The following NUP214 variants were observed in gnomAD, a reference collection of about 807,000 sequenced individuals.
The protein encoded by NUP214 is nucleoporin 214, also known as nuclear pore complex protein Nup214.
Under a neutral mutation model 196.2 loss-of-function variants are expected in NUP214, and 79 were observed. The ratio of observed to expected loss-of-function variants is 0.40; its 90% CI spans 0.34 to 0.49. The LOEUF (loss-of-function observed/expected upper bound fraction) is 0.49. Ranked by LOEUF, NUP214 falls within the 20% of genes least tolerant of loss-of-function variation. NUP214 has a pLI of 0.58. For missense variants in NUP214, 2,468 were observed against 2,539.0 expected (o/e 0.97, Z 0.60); for synonymous variants, 1,020 against 990.5 (o/e 1.03, Z -0.56).
chr9:131,150,445 T>C (rs1349383023), intron 15 of NUP214, 35 bp downstream of exon 15: 2 of 1,607,078 alleles, frequency 1.2e-6, no homozygotes, highest in Non-Finnish European at 1.7e-6. Flanking sequence ...TTTCTGAAAG[T>C]AGCTGACAGA....
At chr9:131,201,296 G>A (rs974916732) in intron 29 of NUP214, among the ~76,000 whole-genome samples, 9 of 151,588 alleles carry the variant, frequency 5.9e-5, no homozygotes, top group African/African-American at 1.5e-4. Flanking sequence ...GAGAAACCCC[G>A]TCTGTACTGA....
chr9:131,164,780 TAAAG>T (rs1832737540), intron 21 of NUP214: 1 of 152,170 alleles, frequency 6.6e-6, no homozygotes, highest in African/African-American at 2.4e-5. Context: ...AATACTTGCT[TAAAG>T]AAGCCATAAA....
chr9:131,176,159 A>G (rs954608736), intron 23 of NUP214, among the ~76,000 whole-genome samples: 1 of 152,044 alleles, frequency 6.6e-6, no homozygotes, highest in African/African-American at 2.4e-5. Context: ...CTCTAAAACA[A>G]AACAAACACA....
intron 14 of NUP214, among the ~76,000 whole-genome samples, chr9:131,149,400 G>A (rs186753336): frequency 1.2e-4 from 18 of 150,832 alleles, no homozygotes; most frequent in Admixed American, 7.3e-4. Flanking sequence ...CTTTTCCAAT[G>A]GGTAAGTAGC....
intron 4 of NUP214, among the ~76,000 whole-genome samples, chr9:131,130,440 C>T (rs192938350): frequency 2.6e-5 from 4 of 152,142 alleles, no homozygotes; most frequent in Admixed American, 6.6e-5. Flanking sequence ...CCACTGTGCC[C>T]GGCCAGTGAT....
chr9:131,148,030 C>T (rs528145506), intron 14 of NUP214, among the ~76,000 whole-genome samples: 28 of 152,270 alleles, frequency 1.8e-4, no homozygotes, highest in Non-Finnish European at 2.6e-4. Context: ...CTACTAAAAA[C>T]GCAAAAATTA....
chr9:131,140,438 C>A, intron 10 of NUP214, 111 bp from the exon 11 acceptor site: 2 of 815,166 alleles, frequency 2.5e-6, no homozygotes, highest in Non-Finnish European at 3.9e-6. Flanking sequence ...ACTTGAGCTG[C>A]TATTCAGATG....
chr9:131,206,876 A>G (rs1374395454), intron 30 of NUP214, among the ~76,000 whole-genome samples: 1 of 151,940 alleles, frequency 6.6e-6, no homozygotes, highest in Non-Finnish European at 1.5e-5. Flanking sequence ...TTCCCCTTCC[A>G]CTCCGTATTC....
At chr9:131,131,861 G>A (rs1271531625) in intron 5 of NUP214, among the ~76,000 whole-genome samples, 3 of 151,404 alleles carry the variant, frequency 2.0e-5, no homozygotes, top group Non-Finnish European at 4.4e-5. Context: ...GCTAATTTTT[G>A]TATTTTTTGT....
In NUP214 at chr9:131,135,983, A is replaced by G. The variant is rs757497875; in HGVS notation, c.982A>G (p.Ile328Val). ...ATCTGCGGCTTCAACAGAAGTTAGT[A>G]TCCTTGCTCGACAAAGTGATCAGGT... ...AASAASTEVS[I>V]LARQSDQINW... Residue 328 changes from isoleucine to valine, a missense_variant, in exon 9 of 36, where the codon ATC becomes GTC. By Grantham distance (29) the Ile-to-Val change is conservative. Around this residue, in one of 5 missense-constraint regions of NUP214, gnomAD observed 392 missense variants for 417.9 expected, o/e 0.94. Coordinates refer to ENST00000359428, the MANE Select transcript of NUP214 (RefSeq NM_005085.4). 1.9e-6 allele frequency: 3 copies of G among 1,613,878 alleles called. No homozygotes were observed. The highest frequency in any genetic ancestry group is 2.5e-6 in the Non-Finnish European group (3 of 1,179,720).
chr9:131,230,354 C>T (rs1834841237), intron 33 of NUP214: 1 of 448,520 alleles, frequency 2.2e-6, no homozygotes, highest in Non-Finnish European at 4.1e-6. Flanking sequence ...GCATAGTTCC[C>T]AAATGCCCTG....
Position 131,224,454 on chromosome 9 carries a change from C to G in NUP214, c.5902+1524C>G, listed in dbSNP as rs539538233. ...AAGCAGCTTTTTAAAGCAAACTCCC[C>G]CTGGGTAAGTGGGCAGGACACTTGG... On this transcript the variant is annotated intron_variant, in intron 32 of 35. Coordinates refer to ENST00000359428, the MANE Select transcript of NUP214 (RefSeq NM_005085.4). 2.6e-4 allele frequency among the ~76,000 whole-genome samples: 40 copies of G among 152,268 alleles called. 1 individual carries two copies. The highest frequency in any genetic ancestry group is 2.6e-3 in the Admixed American group (40 of 15,294).
At chr9:131,218,669 G>A (rs1564217085) in intron 31 of NUP214, among the ~76,000 whole-genome samples, 2 of 150,942 alleles carry the variant, frequency 1.3e-5, no homozygotes, top group Non-Finnish European at 1.5e-5. Flanking sequence ...CTCTTCCATT[G>A]TGGTCTGAAA....
chr9:131,127,145 G>A (rs1165207249), intron 1 of NUP214: 1 of 157,254 alleles, frequency 6.4e-6, no homozygotes, highest in African/African-American at 2.4e-5. Flanking sequence ...CACTTTGGGA[G>A]GCTGAGGTGG....
chr9:131,216,289 A>G (rs549392240), intron 31 of NUP214, among the ~76,000 whole-genome samples: 31 of 145,126 alleles, frequency 2.1e-4, no homozygotes, highest in African/African-American at 7.5e-4. Flanking sequence ...CAGTGGCGTG[A>G]TCTTGGCTCA....
chr9:131,175,413 T>C (rs1215769497), intron 22 of NUP214, 47 bp from the exon 23 acceptor site: 9 of 1,604,272 alleles, frequency 5.6e-6, no homozygotes, highest in Non-Finnish European at 7.7e-6. Context: ...CTTTTGTATT[T>C]TCCTGTTCTC....
chr9:131,192,152 T>A, intron 26 of NUP214, 56 bp from the exon 27 acceptor site: 1 of 1,164,402 alleles, frequency 8.6e-7, no homozygotes, highest in South Asian at 1.4e-5. Flanking sequence ...ACAGTGTTTC[T>A]GTCTTTTTGT....
In NUP214 at chr9:131,127,670, T is replaced by C. The variant is rs777620350; in HGVS notation, c.192T>C (p.Thr64=). 6.2e-7 allele frequency: 1 copy of C among 1,613,986 alleles called. No individual in the cohort carries two copies. Among genetic ancestry groups the C allele is most frequent in the Non-Finnish European group, 8.5e-7 (1 of 1,179,956 alleles). Residue 64 remains threonine, a synonymous_variant, in exon 2 of 36, where the codon ACT becomes ACC. Coordinates refer to ENST00000359428, the MANE Select transcript of NUP214 (RefSeq NM_005085.4). ...GGASGLQIFP[T]KNLLIQNKPG... The stretch of plus-strand genomic sequence containing the variant: ...CCAGTGGCTTGCAGATTTTTCCTAC[T>C]AAAAATCTTCTTATTCAAAATAAAC...
At chr9:131,194,573 G>A (rs963266007) in intron 27 of NUP214, among the ~76,000 whole-genome samples, 7 of 152,068 alleles carry the variant, frequency 4.6e-5, no homozygotes, top group Admixed American at 4.6e-4. Flanking sequence ...ATTCACACTC[G>A]CGTGGGATTT....
Sources: allele counts gnomAD v4.1 joint callset (sites outside exome capture counted in the v4.1 genomes callset), GRCh38; gene constraint gnomAD v4.1.1; regional missense constraint gnomAD v4.1.1; transcripts MANE v1.5; gene names NCBI Gene and HGNC (gene_info 2026-07-23, HGNC 2026-07-21).